The following BSCL2 variants were observed in gnomAD, a reference collection of about 807,000 sequenced individuals.
The protein encoded by BSCL2 is seipin.
In BSCL2, 41 loss-of-function variants were observed where a neutral mutation model predicts 57.4. The observed-to-expected ratio is 0.71, with a 90% CI of 0.56 to 0.93. BSCL2 has a LOEUF of 0.93. Ranked by LOEUF, BSCL2 falls within the 40% of genes least tolerant of loss-of-function variation. BSCL2 has a pLI of 0.00. For synonymous variants in BSCL2, 237 were observed against 227.3 expected, an observed-to-expected ratio of 1.04 and a Z score of -0.38; for missense variants, 539 against 586.7, an observed-to-expected ratio of 0.92 and a Z score of 0.84.
chr11:62,695,733 A>AG (rs1945441129), intron 3 of BSCL2, among the ~76,000 whole-genome samples: 2 of 151,718 alleles, frequency 1.3e-5, no homozygotes, highest in African/African-American at 4.8e-5. Context: ...AAAAAAAAAA[A>AG]AAAATTTGGA....
intron 3 of BSCL2, 143 bp downstream of exon 3, chr11:62,702,325 C>G: frequency 1.4e-6 from 1 of 715,506 alleles, no homozygotes; most frequent in Non-Finnish European, 2.4e-6. Context: ...CTCAGCCTCC[C>G]AAAGTACTGG....
At chr11:62,694,513 A>C in intron 4 of BSCL2, 55 bp downstream of exon 4, 2 of 1,612,818 alleles carry the variant, frequency 1.2e-6, no homozygotes, top group Admixed American at 3.3e-5. Context: ...CCCCCTACCC[A>C]TTCTGATCCT....
Position 62,707,147 on chromosome 11 carries a change from C to T in BSCL2, c.49G>A (p.Val17Met). The T allele has an allele frequency of 1.2e-5, 18 of 1,554,698 alleles. No homozygotes were observed. The highest frequency in any genetic ancestry group is 1.6e-5 in the Non-Finnish European group (18 of 1,147,870). ...DQKEEAGEKE[V>M]CGDQIKGPDK... ...GGTCCTTTGATCTGGTCTCCGCACA[C>T]CTCTTTTTCCCCAGCTTCCTCCTTT... Residue 17 changes from valine to methionine, a missense_variant, in exon 1 of 11, where the codon GTG becomes ATG. Coordinates refer to ENST00000360796, the MANE Select transcript of BSCL2 (RefSeq NM_001122955.4).
chr11:62,696,277 T>TG (rs778174571), intron 3 of BSCL2, among the ~76,000 whole-genome samples: 4,168 of 121,912 alleles, frequency 0.034, 71 homozygotes, highest in African/African-American at 0.059. Context: ...TCATAAACTT[T>TG]TTGTGTGTGT....
chr11:62,694,195 CTTTTTTTTT>C (rs71056545), intron 4 of BSCL2, among the ~76,000 whole-genome samples: 39 of 47,180 alleles, frequency 8.3e-4, no homozygotes, highest in South Asian at 4.3e-3. Flanking sequence ...CCCAGACATT[CTTTTTTTTT>C]TTTTTTTTTT....
chr11:62,709,455 AAG>A (rs1209121138), upstream of BSCL2: 4 of 453,884 alleles, frequency 8.8e-6, no homozygotes, highest in Non-Finnish European at 1.8e-5. Flanking sequence ...AAACAGGCCG[AAG>A]AGGGGGGATT....
rs1435695135 is a variant in BSCL2 at position 62,694,669 on chromosome 11, C to G, written c.529G>C (p.Glu177Gln). Residue 177 changes from glutamate (E) to glutamine (Q), a missense_variant, in exon 4 of 11, where the codon GAG (glutamate) becomes CAG (glutamine). This residue lies in a region of BSCL2 where 218 missense variants were observed against 224.8 expected (regional missense o/e 0.97). Transcript: ENST00000360796. ...TGATTCACAGGGGACTCTGGCAGCT[C>G]AAGCTCTAAGGTAACACGATACGGC... ...GQPYRVTLEL[E>Q]LPESPVNQDL... 3.1e-6 allele frequency: 5 copies of G among 1,614,048 alleles called. No homozygotes were observed. The highest frequency in any genetic ancestry group is 3.4e-6 in the Non-Finnish European group (4 of 1,180,038).
intron 3 of BSCL2, among the ~76,000 whole-genome samples, chr11:62,698,778 C>G (rs990399344): frequency 6.6e-6 from 1 of 152,176 alleles, no homozygotes; most frequent in Non-Finnish European, 1.5e-5. Context: ...CACACCTGAT[C>G]GTTTGAGGCT....
rs192373485 is a variant in BSCL2, at chr11:62,706,693, T to A, written c.87+416A>T. On this transcript the variant is annotated intron_variant, in intron 1 of 10. Transcript: ENST00000360796. The stretch of plus-strand genomic sequence containing the variant: ...GGCGCTGATTTTTATCGCCCACAGC[T>A]CCTAGGACCTGTAGGCATCTAAGGC... 3.3e-5 allele frequency: 16 copies of A among 482,030 alleles called. No individual in the cohort carries two copies. In the East Asian group the frequency reaches 1.1e-3, roughly 32 times the overall value. 29.9% of individuals were successfully genotyped at this position (482,030 alleles called of 1,614,324 possible).
rs1470617367 is a variant in BSCL2, at chr11:62,691,321, C to A, written c.964G>T (p.Val322Leu). 1 of 1,614,034 alleles carries A rather than the reference C, an allele frequency of 6.2e-7. No homozygotes were observed. The highest frequency in any genetic ancestry group is 1.3e-5 in the African/African-American group (1 of 74,902). ...TGTCGGGGCCAGATGCCCCCCCACA[C>A]CCACTGCATGTAGCTGAAGAGCACG... ...VIVLFSYMQW[V>L]WGGIWPRHRF... Residue 322 changes from valine to leucine, a missense_variant, in exon 7 of 11, where the codon GTG (valine) becomes TTG (leucine). Physicochemically the swap from Val to Leu is conservative, Grantham distance 32. Transcript: ENST00000360796.
At chr11:62,700,514 G>A (rs887415078) in intron 3 of BSCL2, among the ~76,000 whole-genome samples, 1 of 151,990 alleles carries the variant, frequency 6.6e-6, no homozygotes, top group Non-Finnish European at 1.5e-5. Context: ...GGTGGCATAC[G>A]CCTGTAACCC....
At chr11:62,706,667 T>A (rs766147482) in intron 1 of BSCL2, 3 of 476,812 alleles carry the variant, frequency 6.3e-6, no homozygotes, top group Non-Finnish European at 1.3e-5. Context: ...GTCATCCAGC[T>A]GGCGCTGATT....
chr11:62,706,222 A>G, intron 1 of BSCL2: 3 of 1,076,990 alleles, frequency 2.8e-6, no homozygotes, highest in Non-Finnish European at 3.4e-6. Context: ...CAACCATGGA[A>G]ACCAGCCCGC....
intron 6 of BSCL2, among the ~76,000 whole-genome samples, chr11:62,691,866 C>T (rs186544387): frequency 1.5e-3 from 229 of 152,142 alleles, no homozygotes; most frequent in African/African-American, 5.1e-3. Flanking sequence ...CTGGCTAACA[C>T]GGTGAAACCC....
At chr11:62,698,894 C>A (rs1288025731) in intron 3 of BSCL2, among the ~76,000 whole-genome samples, 1 of 152,080 alleles carries the variant, frequency 6.6e-6, no homozygotes, top group Non-Finnish European at 1.5e-5. Context: ...TCAATAAAGT[C>A]ATTTATTATT....
intron 3 of BSCL2, among the ~76,000 whole-genome samples, chr11:62,695,343 C>T (rs557507163): frequency 1.3e-3 from 190 of 151,024 alleles, no homozygotes; most frequent in African/African-American, 4.5e-3. Flanking sequence ...GGCCCTCACA[C>T]AGTAGTATAT....
At chr11:62,706,301 G>A (rs1247094756) in intron 1 of BSCL2, 5 of 1,114,048 alleles carry the variant, frequency 4.5e-6, no homozygotes, top group African/African-American at 3.5e-5. Context: ...CGGGACTTCC[G>A]GCTCCCGGGG....
chr11:62,708,070 A>C, upstream of BSCL2: 5 of 580,930 alleles, frequency 8.6e-6, no homozygotes, highest in Non-Finnish European at 1.5e-5. Flanking sequence ...AGGTTTAATG[A>C]TCTGTGGCCC....
chr11:62,699,771 C>T (rs1278539149), intron 3 of BSCL2, among the ~76,000 whole-genome samples: 5 of 150,766 alleles, frequency 3.3e-5, no homozygotes, highest in African/African-American at 7.3e-5. Flanking sequence ...CTCCACCTCC[C>T]GGGTTCAAGC....
Sources: allele counts gnomAD v4.1 joint callset (sites outside exome capture counted in the v4.1 genomes callset), GRCh38; gene constraint gnomAD v4.1.1; regional missense constraint gnomAD v4.1.1; transcripts MANE v1.5; gene names NCBI Gene and HGNC (gene_info 2026-07-23, HGNC 2026-07-21).